CIMAP1B: variants seen among roughly 807,000 people sequenced by gnomAD.
CIMAP1B encodes orf2 5' to PD-ECGF/TP.
At chr22:50,532,315 C>A in the CIMAP1B span, 1 of 450,174 alleles carries the variant, frequency 2.2e-6, no homozygotes, top group Non-Finnish European at 3.6e-6. Context: ...ACTCCAGGCG[C>A]ATTAGGCAGG....
At chr22:50,531,018 G>A in the CIMAP1B span, 1 of 1,610,786 alleles carries the variant, frequency 6.2e-7, no homozygotes, top group Non-Finnish European at 8.5e-7. Context: ...TGCCGATGAC[G>A]CGCGGACCCA....
the CIMAP1B span, chr22:50,530,878 T>G: frequency 3.1e-6 from 5 of 1,606,470 alleles, no homozygotes; most frequent in East Asian, 4.5e-5. Context: ...GGGTGCTGGC[T>G]GCCGCCTCCA....
At chr22:50,531,336 G>A in the CIMAP1B span, 1,792 of 1,496,854 alleles carry the variant, frequency 1.2e-3, 12 homozygotes, top group African/African-American at 0.018. Flanking sequence ...AGAACTGCGT[G>A]GGAGCCTGGT....
At chr22:50,531,657 T>G in the CIMAP1B span, 1 of 1,373,096 alleles carries the variant, frequency 7.3e-7, no homozygotes, top group Non-Finnish European at 9.4e-7. Context: ...CGCACGGTCA[T>G]GCGAGCGGGC....
chr22:50,531,869 C>G, the CIMAP1B span: 1 of 1,327,514 alleles, frequency 7.5e-7, no homozygotes, highest in Non-Finnish European at 9.7e-7. Context: ...TCCCCTCTAG[C>G]AGGCACGGTT....
At chr22:50,532,380 TG>T in the CIMAP1B span, 2 of 255,536 alleles carry the variant, frequency 7.8e-6, no homozygotes, top group Non-Finnish European at 1.5e-5. Flanking sequence ...GGGAATCACC[TG>T]GGGGTGGGGT....
At chr22:50,532,200 G>A in the CIMAP1B span, 938 of 1,246,562 alleles carry the variant, frequency 7.5e-4, 7 homozygotes, top group African/African-American at 0.014. Flanking sequence ...GCGCGGGGCG[G>A]GGCGGGGCCT....
chr22:50,532,181 C>G, the CIMAP1B span: 2 of 1,284,840 alleles, frequency 1.6e-6, no homozygotes, highest in Non-Finnish European at 2.0e-6. Context: ...TCCCACTACC[C>G]TGGGATCAGC....
the CIMAP1B span, chr22:50,530,689 C>G: frequency 1.2e-6 from 2 of 1,610,144 alleles, no homozygotes; most frequent in Non-Finnish European, 1.7e-6. Flanking sequence ...GACTCTGACC[C>G]TTGACCCTGG....
chr22:50,532,450 G>A, the CIMAP1B span: 1 of 195,014 alleles, frequency 5.1e-6, no homozygotes, highest in Non-Finnish European at 1.0e-5. Context: ...CCTGCGTGGG[G>A]GACCCGGTGC....
the CIMAP1B span, chr22:50,532,355 C>T: frequency 2.8e-6 from 1 of 352,776 alleles, no homozygotes; most frequent in South Asian, 1.3e-4. Flanking sequence ...CAAGTCTAGA[C>T]CCAGACTTGG....
the CIMAP1B span, chr22:50,531,095 C>A: frequency 1.3e-6 from 2 of 1,591,476 alleles, no homozygotes; most frequent in Non-Finnish European, 8.6e-7. Context: ...AGTGGGTCTC[C>A]GCGGACAGGC....
At chr22:50,531,977 G>A in the CIMAP1B span, 1 of 1,346,496 alleles carries the variant, frequency 7.4e-7, no homozygotes, top group Non-Finnish European at 9.6e-7. Context: ...ACCGGTGTTG[G>A]GCGGCAGCTT....
chr22:50,531,427 G>A, the CIMAP1B span: 1 of 1,093,936 alleles, frequency 9.1e-7, no homozygotes, highest in African/African-American at 1.6e-5. Flanking sequence ...CGGGGTTTGG[G>A]ATTTGAGATC....
the CIMAP1B span, chr22:50,530,967 C>G: frequency 4.3e-6 from 7 of 1,611,406 alleles, no homozygotes; most frequent in East Asian, 2.2e-5. Context: ...AACTGCCAGC[C>G]GCTCTGCGGC....
chr22:50,532,043 G>T, the CIMAP1B span: 1 of 1,344,742 alleles, frequency 7.4e-7, no homozygotes, highest in Non-Finnish European at 9.6e-7. Context: ...GGGCCGGTGT[G>T]GCCGCCAAAG....
chr22:50,531,465 G>T, the CIMAP1B span: 1 of 1,097,954 alleles, frequency 9.1e-7, no homozygotes, highest in Non-Finnish European at 1.3e-6. Flanking sequence ...AATATGCGGT[G>T]TTAGGGTATC....
the CIMAP1B span, chr22:50,530,736 C>T: frequency 1.2e-6 from 2 of 1,611,178 alleles, no homozygotes; most frequent in Non-Finnish European, 1.7e-6. Context: ...AGGCCGCGGG[C>T]CCTGGCTTCC....
the CIMAP1B span, chr22:50,532,195 G>T: frequency 8.0e-7 from 1 of 1,244,848 alleles, no homozygotes; most frequent in Non-Finnish European, 1.0e-6. Flanking sequence ...GATCAGCGCG[G>T]GGCGGGGCGG....
Sources: allele counts gnomAD v4.1 joint callset, GRCh38; gene constraint gnomAD v4.1.1; transcripts MANE v1.5; gene names NCBI Gene and HGNC (gene_info 2026-07-23, HGNC 2026-07-21).